The following CRB1 variants were observed in gnomAD, a reference collection of about 807,000 sequenced individuals.
The protein encoded by CRB1 is crumbs cell polarity complex component 1.
A neutral mutation model predicts 120.0 loss-of-function variants in CRB1; 83 were observed. The ratio of observed to expected loss-of-function variants is 0.69; its 90% confidence interval spans 0.58 to 0.83. The LOEUF is 0.83. Ranked by LOEUF, CRB1 falls within the 40% of genes least tolerant of loss-of-function variation. CRB1 has a pLI of 0.00. For missense variants in CRB1, 1,699 were observed against 1,687.6 expected (o/e 1.01, Z -0.12); for synonymous variants, 625 against 612.5 (o/e 1.02, Z -0.30).
At chr1:197,207,440 C>T in the CRB1 span, among the ~76,000 whole-genome samples, 2 of 151,912 alleles carry the variant, frequency 1.3e-5, no homozygotes, top group South Asian at 2.1e-4. Context: ...CATTTGTTAG[C>T]CTGAAAAAAG....
chr1:197,272,487 A>G (rs1053674575), intron 1 of CRB1, among the ~76,000 whole-genome samples: 1 of 152,094 alleles, frequency 6.6e-6, no homozygotes, highest in Non-Finnish European at 1.5e-5. Context: ...AAAAATTATC[A>G]TTCATGGTCT....
chr1:197,442,646 TCTCC>T, intron 11 of CRB1: 1 of 857,868 alleles, frequency 1.2e-6, no homozygotes, highest in Non-Finnish European at 1.7e-6. Flanking sequence ...ACTAGAAATA[TCTCC>T]TTATTGTGTG....
intron 4 of CRB1, among the ~76,000 whole-genome samples, chr1:197,353,671 C>G (rs886728002): frequency 6.6e-6 from 1 of 151,960 alleles, no homozygotes; most frequent in South Asian, 2.1e-4. Context: ...CATGGTGGCA[C>G]ACGCCTGTAA....
chr1:197,421,023 A>C lies in CRB1; in HGVS notation c.1195A>C (p.Asn399His). Residue 399 changes from asparagine to histidine, a missense_variant, in exon 6 of 12, where the codon AAT becomes CAT. Transcript: ENST00000367400. ...FTGIHCEEDVNECSSNPCQNG... is the reference protein window; with the variant it reads ...FTGIHCEEDVHECSSNPCQNG... ...AGGAATCCACTGCGAAGAAGACGTC[A>C]ATGAATGTTCTTCAAACCCTTGCCA... The C allele has an allele frequency of 6.2e-7, 1 of 1,609,636 alleles. No individual in the cohort carries two copies. The highest frequency in any genetic ancestry group is 8.5e-7 in the Non-Finnish European group (1 of 1,175,876).
intron 11 of CRB1, among the ~76,000 whole-genome samples, chr1:197,457,241 TA>T (rs1414997764): frequency 6.6e-6 from 1 of 152,102 alleles, no homozygotes; most frequent in African/African-American, 2.4e-5. Flanking sequence ...TAGTGGCTAA[TA>T]TTTGTCGTGT....
chr1:197,435,625 T>C lies in CRB1; in HGVS notation c.3749+13T>C, dbSNP rs769115183. The C allele has an allele frequency of 1.9e-6, 3 of 1,605,644 alleles. No homozygotes were observed. Among genetic ancestry groups the C allele is most frequent in the Non-Finnish European group, 2.6e-6 (3 of 1,174,644 alleles). On this transcript the variant is annotated intron_variant, in intron 9 of 11. Coordinates refer to ENST00000367400, the MANE Select transcript of CRB1 (RefSeq NM_201253.3). ...GAAAATTTTGCAGGTGAGCATAAAG[T>C]CCATATGAAGCTTGGTCTTTGAAGC...
intron 9 of CRB1, among the ~76,000 whole-genome samples, chr1:197,436,223 T>C (rs1665155120): frequency 1.3e-5 from 2 of 152,140 alleles, no homozygotes; most frequent in Non-Finnish European, 2.9e-5. Flanking sequence ...TCTGTCTTCT[T>C]ACTATAAAGC....
intron 5 of CRB1, among the ~76,000 whole-genome samples, chr1:197,390,984 T>G (rs1662478507): frequency 6.6e-6 from 1 of 152,120 alleles, no homozygotes; most frequent in South Asian, 2.1e-4. Context: ...TAAGGATTGC[T>G]GAAATACTTT....
chr1:197,346,543 T>C (rs948454897), intron 3 of CRB1, among the ~76,000 whole-genome samples: 1 of 152,216 alleles, frequency 6.6e-6, no homozygotes, highest in Non-Finnish European at 1.5e-5. Context: ...CACACAGCCA[T>C]AGCGAAGAGG....
At chr1:197,407,180 AC>A (rs1663455989) in intron 5 of CRB1, among the ~76,000 whole-genome samples, 1 of 152,252 alleles carries the variant, frequency 6.6e-6, no homozygotes, top group South Asian at 2.1e-4. Flanking sequence ...TAAAGCAAAG[AC>A]AAAATATGGA....
the CRB1 span, among the ~76,000 whole-genome samples, chr1:197,258,421 A>G: frequency 1.3e-5 from 2 of 152,254 alleles, no homozygotes; most frequent in Non-Finnish European, 2.9e-5. Context: ...TCTACTTGCT[A>G]ATGTTCAATT....
chr1:197,462,087 G>A (rs1023291774), intron 11 of CRB1, among the ~76,000 whole-genome samples: 2 of 152,082 alleles, frequency 1.3e-5, no homozygotes, highest in Non-Finnish European at 2.9e-5. Context: ...AAATTAAATA[G>A]TTTGACTTTT....
chr1:197,477,257 CCATTTCTT>C (rs923201848), intron 11 of CRB1, among the ~76,000 whole-genome samples: 25 of 152,254 alleles, frequency 1.6e-4, no homozygotes, highest in Non-Finnish European at 3.1e-4. Flanking sequence ...TGTAAAATAA[CCATTTCTT>C]CAGTCCCAAA....
At chr1:197,467,807 T>C (rs1327524931) in intron 11 of CRB1, among the ~76,000 whole-genome samples, 1 of 152,204 alleles carries the variant, frequency 6.6e-6, no homozygotes, top group Admixed American at 6.5e-5. Context: ...ACTCAAATAA[T>C]GAAGCTACTA....
At chr1:197,321,996 T>C (rs912055370) in intron 1 of CRB1, among the ~76,000 whole-genome samples, 1 of 152,174 alleles carries the variant, frequency 6.6e-6, no homozygotes, top group Non-Finnish European at 1.5e-5. Context: ...ACACATTATT[T>C]TTCTAGACTT....
At chr1:197,310,696 A>C (rs532759480) in intron 1 of CRB1, among the ~76,000 whole-genome samples, 188 of 152,274 alleles carry the variant, frequency 1.2e-3, no homozygotes, top group Non-Finnish European at 1.6e-3. Context: ...CATACTAATA[A>C]ATATATTAGC....
Position 197,427,830 on chromosome 1 carries a change from A to G in CRB1, c.2505A>G (p.Leu835=), listed in dbSNP as rs1664672265. ...EKGDVIYIGG[L]PDKQETELNG... is the part of the protein sequence containing the mutation. ...GAGATGTCATCTACATTGGTGGCCT[A>G]CCTGACAAGCAAGAGACTGAACTTA... The change falls in exon 7 of 12, where the codon CTA becomes CTG. Residue 835 remains leucine, a synonymous_variant. Transcript: ENST00000367400. 1 of 1,614,052 alleles carries G rather than the reference A, an allele frequency of 6.2e-7. No individual in the cohort carries two copies. Among genetic ancestry groups the G allele is most frequent in the African/African-American group, 1.3e-5 (1 of 75,012 alleles).
the CRB1 span, among the ~76,000 whole-genome samples, chr1:197,230,223 A>C: frequency 6.6e-6 from 1 of 152,212 alleles, no homozygotes; most frequent in Non-Finnish European, 1.5e-5. Context: ...ATCCATTCAG[A>C]TAATTGTTAG....
chr1:197,442,645 A>G (rs1665510673), intron 11 of CRB1: 2 of 864,836 alleles, frequency 2.3e-6, no homozygotes, highest in African/African-American at 1.7e-5. Context: ...AACTAGAAAT[A>G]TCTCCTTATT....
Sources: gnomAD v4.1 joint callset for allele counts (sites outside exome capture counted in the v4.1 genomes callset) on GRCh38, gnomAD v4.1.1 for gene constraint, MANE v1.5 for transcripts, NCBI Gene and HGNC (gene_info 2026-07-23, HGNC 2026-07-21) for gene names.